The following FBXO34 variants were observed in gnomAD, a reference collection of about 807,000 sequenced individuals.
The protein encoded by FBXO34 is F-box protein 34, also known as F-box only protein 34.
FBXO34 carries 12 observed loss-of-function variants against 24.5 expected under a neutral mutation model. That is an observed-to-expected ratio of 0.49 (90% CI 0.31 to 0.79). The LOEUF is 0.79. FBXO34 is among the 30% of genes least tolerant of loss of function. FBXO34 has a pLI of 0.04. For synonymous variants in FBXO34, 320 were observed against 311.9 expected (o/e 1.03, Z -0.27); for missense variants, 823 against 857.7 (o/e 0.96, Z 0.51).
chr14:55,352,738 C>T lies in FBXO34; in HGVS notation c.*212C>T. 1 of 513,162 alleles carries T rather than the reference C, an allele frequency of 1.9e-6. No individual in the cohort carries two copies. Among genetic ancestry groups the T allele is most frequent in the Non-Finnish European group, 3.5e-6 (1 of 286,302 alleles). The allele number at this position is 513,162 out of a possible 1,614,324, so 31.8% of individuals were successfully genotyped here. Reference sequence around the variant, plus strand: ...TTATAGTGGCATCTCATGTTTGAACCCGGGTGGTATCCCACAGTTGGATTC... The same window carrying T: ...TTATAGTGGCATCTCATGTTTGAACTCGGGTGGTATCCCACAGTTGGATTC... On this transcript the variant is annotated 3_prime_UTR_variant, in exon 2 of 2. Coordinates refer to ENST00000313833, the MANE Select transcript of FBXO34 (RefSeq NM_017943.4).
intron 1 of FBXO34, chr14:55,299,196 A>G (rs896178064): frequency 3.1e-6 from 3 of 975,266 alleles, no homozygotes; most frequent in African/African-American, 3.2e-5. Context: ...TGTTCCCTCT[A>G]TAGCCCTACC....
the FBXO34 span, among the ~76,000 whole-genome samples, chr14:55,439,197 C>T: frequency 1.3e-5 from 2 of 150,728 alleles, no homozygotes; most frequent in East Asian, 2.0e-4. Flanking sequence ...CCTCGGCCTC[C>T]CAAAGTGCTG....
chr14:55,363,944 ATTTTC>A (rs1179221032), downstream of FBXO34, among the ~76,000 whole-genome samples: 1 of 132,460 alleles, frequency 7.5e-6, no homozygotes, highest in South Asian at 2.5e-4. Context: ...CCTTCTGCCA[ATTTTC>A]TTTTTTTTTT....
At chr14:55,344,253 T>G (rs1566564699) in intron 1 of FBXO34, among the ~76,000 whole-genome samples, 1 of 152,034 alleles carries the variant, frequency 6.6e-6, no homozygotes, top group Non-Finnish European at 1.5e-5. Flanking sequence ...TCACCAGGGG[T>G]CTTTATCACC....
intron 1 of FBXO34, among the ~76,000 whole-genome samples, chr14:55,276,138 ACT>A (rs1363413668): frequency 6.6e-6 from 1 of 152,102 alleles, no homozygotes; most frequent in Non-Finnish European, 1.5e-5. Flanking sequence ...TTTTCTTTCC[ACT>A]CTCAGGCATG....
the FBXO34 span, among the ~76,000 whole-genome samples, chr14:55,440,932 C>T: frequency 5.3e-5 from 8 of 152,306 alleles, no homozygotes; most frequent in South Asian, 2.1e-4. Flanking sequence ...CTGCAACCTC[C>T]GCCTCCCGGG....
At chr14:55,337,049 C>T (rs1883809522) in intron 1 of FBXO34, among the ~76,000 whole-genome samples, 2 of 150,894 alleles carry the variant, frequency 1.3e-5, no homozygotes, top group African/African-American at 4.9e-5. Context: ...TATCTTGGCT[C>T]ACTGCAACCT....
chr14:55,293,966 T>C (rs1264750380), intron 1 of FBXO34, among the ~76,000 whole-genome samples: 5 of 152,140 alleles, frequency 3.3e-5, no homozygotes, highest in Admixed American at 3.3e-4. Flanking sequence ...GGTACGCATA[T>C]GCTTTCCTTA....
rs115922142 is a variant in FBXO34, at chr14:55,298,614, A to T, written c.-11+27077A>T. On this transcript the variant is annotated intron_variant, in intron 1 of 1. Transcript: ENST00000313833. ...AGGGCGGGCGCCGGAGCCCAGCCGG[A>T]GCGGGCGTTGAAGGCTGGCGCGGCG... 2,523 of 1,155,214 alleles carry T rather than the reference A, an allele frequency of 2.2e-3. 50 individuals carry two copies. The African/African-American group carries it at 0.035, about 16-fold the overall frequency. 71.6% of individuals were successfully genotyped at this position (1,155,214 alleles called of 1,614,324 possible). A position where few individuals can be genotyped will look rare whatever the true frequency, so the allele number is the denominator to read the frequency against.
chr14:55,302,461 T>G (rs890179669), intron 1 of FBXO34, among the ~76,000 whole-genome samples: 8 of 150,878 alleles, frequency 5.3e-5, no homozygotes, highest in Admixed American at 6.6e-5. Flanking sequence ...TTGTTTTTTT[T>G]TTTTTTTTTA....
At chr14:55,388,289 G>A in the FBXO34 span, among the ~76,000 whole-genome samples, 16,521 of 152,170 alleles carry the variant, frequency 0.11, 1,240 homozygotes, top group Non-Finnish European at 0.16. Flanking sequence ...CCATGATTCT[G>A]AGTCATACAG....
intron 1 of FBXO34, among the ~76,000 whole-genome samples, chr14:55,312,925 C>T (rs981263981): frequency 2.6e-5 from 4 of 152,252 alleles, no homozygotes; most frequent in African/African-American, 9.6e-5. Flanking sequence ...TAACATTTGG[C>T]TCCTTGTTAC....
chr14:55,302,911 CT>C (rs933289234), intron 1 of FBXO34, among the ~76,000 whole-genome samples: 1 of 152,056 alleles, frequency 6.6e-6, no homozygotes, highest in African/African-American at 2.4e-5. Flanking sequence ...GATGTGTTTC[CT>C]TTTTTTGGTG....
At chr14:55,356,634 A>T (rs8011818), downstream of FBXO34, among the ~76,000 whole-genome samples, 623 of 131,838 alleles carry the variant, frequency 4.7e-3, no homozygotes, top group Non-Finnish European at 7.2e-3. Context: ...TTATTTTTTT[A>T]TTTTTACTAG....
At chr14:55,318,848 C>T (rs1883031028) in intron 1 of FBXO34, among the ~76,000 whole-genome samples, 1 of 152,088 alleles carries the variant, frequency 6.6e-6, no homozygotes. Context: ...CTCACTCGCT[C>T]TCAAGTAGGC....
chr14:55,391,109 C>A, the FBXO34 span: 1 of 660,196 alleles, frequency 1.5e-6, no homozygotes, highest in South Asian at 2.0e-5. Context: ...AAGAAAAAGA[C>A]CTTATGTTAT....
chr14:55,386,592 A>G, the FBXO34 span, among the ~76,000 whole-genome samples: 3 of 152,236 alleles, frequency 2.0e-5, no homozygotes, highest in African/African-American at 7.2e-5. Flanking sequence ...AAGAGCTCTG[A>G]AAAGTCACAG....
downstream of FBXO34, among the ~76,000 whole-genome samples, chr14:55,372,416 A>G (rs1457668872): frequency 6.6e-6 from 1 of 152,020 alleles, no homozygotes; most frequent in Non-Finnish European, 1.5e-5. Flanking sequence ...AGATGCTCTG[A>G]TTCTGTTCTG....
chr14:55,293,992 G>A (rs1376157098), intron 1 of FBXO34, among the ~76,000 whole-genome samples: 2 of 152,134 alleles, frequency 1.3e-5, no homozygotes, highest in Non-Finnish European at 2.9e-5. Flanking sequence ...TGCATTTGCT[G>A]TTCCCTGTGT....
Sources: allele counts gnomAD v4.1 joint callset (sites outside exome capture counted in the v4.1 genomes callset), GRCh38; gene constraint gnomAD v4.1.1; transcripts MANE v1.5; gene names NCBI Gene and HGNC (gene_info 2026-07-23, HGNC 2026-07-21).